Variants in EXT2 observed in about 807,000 individuals in gnomAD.
EXT2 encodes the protein exostosin-2.
Under a neutral mutation model 81.6 loss-of-function variants are expected in EXT2, and 53 were observed. That is an observed-to-expected ratio of 0.65 (90% CI 0.52 to 0.82). The LOEUF (loss-of-function observed/expected upper bound fraction) is 0.82. Ranked by LOEUF, EXT2 falls within the 40% of genes least tolerant of loss-of-function variation. The pLI is 0.00. For missense variants in EXT2, 774 were observed against 910.2 expected (o/e 0.85, Z 1.93); for synonymous variants, 320 against 340.0 (o/e 0.94, Z 0.65).
intron 8 of EXT2, among the ~76,000 whole-genome samples, chr11:44,175,245 G>C (rs536836229): frequency 6.6e-6 from 1 of 152,330 alleles, no homozygotes; most frequent in Non-Finnish European, 1.5e-5. Context: ...AAGTTCAGAA[G>C]ACTGAGGTAT....
chr11:44,180,208 C>T (rs1360151510), intron 8 of EXT2, among the ~76,000 whole-genome samples: 1 of 152,192 alleles, frequency 6.6e-6, no homozygotes, highest in Non-Finnish European at 1.5e-5. Context: ...AAATTTCTTA[C>T]TCAGAAACCT....
intron 13 of EXT2, among the ~76,000 whole-genome samples, chr11:44,237,369 A>G (rs1955978091): frequency 6.6e-6 from 1 of 152,166 alleles, no homozygotes; most frequent in African/African-American, 2.4e-5. Flanking sequence ...ATGTATAAAC[A>G]TTACCCAGAT....
chr11:44,239,861 G>A (rs1956016374), intron 13 of EXT2, among the ~76,000 whole-genome samples: 1 of 151,914 alleles, frequency 6.6e-6, no homozygotes, highest in African/African-American at 2.4e-5. Flanking sequence ...GTATCCACAG[G>A]GGATTTGTCC....
chr11:44,223,004 A>G (rs1360682068), intron 10 of EXT2, among the ~76,000 whole-genome samples: 1 of 152,252 alleles, frequency 6.6e-6, no homozygotes, highest in Non-Finnish European at 1.5e-5. Flanking sequence ...ACTGAAGAGG[A>G]TATACAGGTG....
chr11:44,149,437 T>C (rs969627737), intron 7 of EXT2, among the ~76,000 whole-genome samples: 1 of 152,202 alleles, frequency 6.6e-6, no homozygotes, highest in Non-Finnish European at 1.5e-5. Context: ...TTTTTCTGTA[T>C]CCTTTCTCTG....
intron 7 of EXT2, among the ~76,000 whole-genome samples, chr11:44,167,113 G>A (rs952442459): frequency 4.6e-5 from 7 of 152,144 alleles, no homozygotes; most frequent in African/African-American, 1.7e-4. Flanking sequence ...AGAGTATGGG[G>A]TCCCAGCAGA....
At chr11:44,188,636 A>G (rs375939653) in intron 8 of EXT2, among the ~76,000 whole-genome samples, 90 of 152,328 alleles carry the variant, frequency 5.9e-4, no homozygotes, top group Middle Eastern at 3.4e-3. Context: ...TTAGCAGCTC[A>G]CAACCATAAA....
intron 4 of EXT2, among the ~76,000 whole-genome samples, chr11:44,114,586 C>T (rs1194344593): frequency 2.8e-4 from 42 of 152,152 alleles, no homozygotes; most frequent in Non-Finnish European, 5.7e-4. Flanking sequence ...AGTAGGAAGT[C>T]GTATTGATTC....
In EXT2 at chr11:44,244,370, G is replaced by C; in HGVS notation, c.*83G>C. 2.7e-6 allele frequency: 4 copies of C among 1,482,804 alleles called. No homozygotes were observed. The highest frequency in any genetic ancestry group is 3.8e-6 in the Non-Finnish European group (4 of 1,062,444). 91.9% of individuals were successfully genotyped at this position (1,482,804 alleles called of 1,614,324 possible). A position where few individuals can be genotyped will look rare whatever the true frequency, so the allele number is the denominator to read the frequency against. On this transcript the variant is annotated 3_prime_UTR_variant, in exon 14 of 14. Transcript: ENST00000533608. ...CTCCCAGCACTCTGATGTCAGAGTA[G>C]TAGGTTAAGGGTGGAAGGTTGACCT...
intron 10 of EXT2, among the ~76,000 whole-genome samples, chr11:44,216,509 G>A (rs866083592): frequency 2.0e-5 from 3 of 152,134 alleles, no homozygotes; most frequent in South Asian, 2.1e-4. Flanking sequence ...TTTTAATGGA[G>A]GAGAGAGAGC....
At position 44,247,149 on chromosome 11, in the gene EXT2, T is replaced by C. The variant is rs956910338; in HGVS notation, c.*2862T>C. 6.6e-6 allele frequency among the ~76,000 whole-genome samples: 1 copy of C among 152,074 alleles called. No individual in the cohort carries two copies. The highest frequency in any genetic ancestry group is 2.4e-5 in the African/African-American group (1 of 41,434). On this transcript the variant is annotated 3_prime_UTR_variant, in exon 14 of 14. Coordinates refer to ENST00000533608, the MANE Select transcript of EXT2 (RefSeq NM_207122.2). Reference sequence around the variant, plus strand: ...TTACCAACCCTCACACATTTAGGTATAAACCTCCTTTTCTGGGAGAATTAA... The same window carrying C: ...TTACCAACCCTCACACATTTAGGTACAAACCTCCTTTTCTGGGAGAATTAA...
rs1956095735 is a variant in EXT2 at position 44,246,608 on chromosome 11, A to G, written c.*2321A>G. On this transcript the variant is annotated 3_prime_UTR_variant, in exon 14 of 14. Coordinates refer to ENST00000533608, the MANE Select transcript of EXT2 (RefSeq NM_207122.2). ...AAACAATTTATGTTAAAGAAGGAGCATTATATCCTAGGCACTTGAAACAAC... is the reference window on the plus strand; with the variant it reads ...AAACAATTTATGTTAAAGAAGGAGCGTTATATCCTAGGCACTTGAAACAAC... 6.6e-6 allele frequency among the ~76,000 whole-genome samples: 1 copy of G among 152,234 alleles called. No individual in the cohort carries two copies. The highest frequency in any genetic ancestry group is 2.1e-4 in the South Asian group (1 of 4,830).
chr11:44,224,941 T>G (rs180929898), intron 10 of EXT2, among the ~76,000 whole-genome samples: 13 of 152,338 alleles, frequency 8.5e-5, no homozygotes, highest in Admixed American at 7.8e-4. Flanking sequence ...ACTGGTTGTG[T>G]AGGATTTAAA....
intron 8 of EXT2, among the ~76,000 whole-genome samples, chr11:44,187,035 TTCCTTCCTTCCC>T (rs1955323174): frequency 1.5e-5 from 2 of 136,546 alleles, no homozygotes; most frequent in Admixed American, 1.4e-4. Flanking sequence ...CCTTCCTTCC[TTCCTTCCTTCCC>T]TCCTTCCCTC....
intron 10 of EXT2, among the ~76,000 whole-genome samples, chr11:44,217,953 GA>G (rs1955739000): frequency 6.6e-6 from 1 of 152,196 alleles, no homozygotes; most frequent in African/African-American, 2.4e-5. Flanking sequence ...TCTTGGCTAA[GA>G]ATATTCATTA....
intron 8 of EXT2, among the ~76,000 whole-genome samples, chr11:44,173,663 G>T (rs1955111604): frequency 6.7e-6 from 1 of 149,312 alleles, no homozygotes; most frequent in Non-Finnish European, 1.5e-5. Context: ...CCGCCTTCTG[G>T]GTTCACACCA....
intron 10 of EXT2, among the ~76,000 whole-genome samples, chr11:44,221,689 C>G (rs1391362470): frequency 6.6e-6 from 1 of 152,150 alleles, no homozygotes; most frequent in African/African-American, 2.4e-5. Context: ...GGATTGGGCC[C>G]AGGGCCAGGG....
At chr11:44,237,288 T>A (rs928420533) in intron 13 of EXT2, among the ~76,000 whole-genome samples, 26 of 152,192 alleles carry the variant, frequency 1.7e-4, no homozygotes, top group African/African-American at 6.3e-4. Context: ...TGTGTGTGTG[T>A]GCAGAAAGTT....
chr11:44,228,871 G>A (rs559301702), intron 10 of EXT2, among the ~76,000 whole-genome samples: 1 of 152,274 alleles, frequency 6.6e-6, no homozygotes, highest in Non-Finnish European at 1.5e-5. Flanking sequence ...TATTATGGCT[G>A]CAAAAGTGGG....
Sources: allele counts gnomAD v4.1 joint callset (sites outside exome capture counted in the v4.1 genomes callset), GRCh38; gene constraint gnomAD v4.1.1; transcripts MANE v1.5; gene names NCBI Gene and HGNC (gene_info 2026-07-23, HGNC 2026-07-21).